Variants in CREBBP observed in about 807,000 individuals in gnomAD.
The protein encoded by CREBBP is CREB binding lysine acetyltransferase, also known as CREB-binding protein.
Under a neutral mutation model 265.0 loss-of-function variants are expected in CREBBP, and 19 were observed. The observed-to-expected ratio is 0.07, with a 90% confidence interval of 0.05 to 0.11. The LOEUF is 0.11. Among genes scored for constraint, CREBBP ranks in the 10% least tolerant of loss-of-function variants. The pLI is 1.00. For synonymous variants in CREBBP, 1,457 were observed against 1,223.7 expected (o/e 1.19, Z -3.98); for missense variants, 2,525 against 3,219.0 (o/e 0.78, Z 5.22).
At chr16:3,822,467 C>G (rs1000883060) in intron 2 of CREBBP, among the ~76,000 whole-genome samples, 1 of 152,080 alleles carries the variant, frequency 6.6e-6, no homozygotes, top group South Asian at 2.1e-4. Context: ...TACTTTGGGG[C>G]AGGAAAACAG....
At chr16:3,861,393 T>A (rs1177085680) in intron 1 of CREBBP, among the ~76,000 whole-genome samples, 3 of 152,206 alleles carry the variant, frequency 2.0e-5, no homozygotes, top group African/African-American at 4.8e-5. Context: ...ACTCAAAAAA[T>A]ATTAGTCATT....
chr16:3,799,869 G>A (rs923274257), intron 3 of CREBBP, among the ~76,000 whole-genome samples: 1 of 152,144 alleles, frequency 6.6e-6, no homozygotes, highest in Non-Finnish European at 1.5e-5. Context: ...CAACAATAAG[G>A]CAGACCTTTA....
At chr16:3,745,062 A>G (rs893048963) in intron 22 of CREBBP, 101 bp from the exon 23 acceptor site, 3 of 996,604 alleles carry the variant, frequency 3.0e-6, no homozygotes, top group Non-Finnish European at 4.7e-6. Flanking sequence ...TTTAAATCAC[A>G]TTATTATAAA....
At chr16:3,787,108 C>T (rs1439825249) in intron 5 of CREBBP, among the ~76,000 whole-genome samples, 1 of 151,074 alleles carries the variant, frequency 6.6e-6, no homozygotes. Flanking sequence ...GACCTGCAGC[C>T]ATCTCTACAA....
At chr16:3,759,075 G>A (rs1001202713) in intron 16 of CREBBP, 103 bp from the exon 17 acceptor site, 9 of 915,270 alleles carry the variant, frequency 9.8e-6, no homozygotes, top group African/African-American at 8.1e-5. Flanking sequence ...TCCCAGCCAC[G>A]ATGCTCCTAA....
At chr16:3,856,887 C>G (rs1458300722) in intron 1 of CREBBP, among the ~76,000 whole-genome samples, 2 of 152,114 alleles carry the variant, frequency 1.3e-5, no homozygotes, top group Non-Finnish European at 2.9e-5. Context: ...AGAGGGAGGC[C>G]AGGCCACAGA....
Position 3,725,298 on chromosome 16 carries a change from G to A in CREBBP, c.*2420C>T, listed in dbSNP as rs975516163. ...ATTGCCCAAGACGGTTGCACAGGAT[G>A]CAGACTCCAAAGAGGATGAGGTTGG... On this transcript the variant is annotated 3_prime_UTR_variant, in exon 31 of 31. Coordinates refer to ENST00000262367, the MANE Select transcript of CREBBP (RefSeq NM_004380.3). 8.6e-6 allele frequency: 2 copies of A among 233,114 alleles called. No homozygotes were observed. The highest frequency in any genetic ancestry group is 4.4e-5 in the African/African-American group (2 of 45,334). 14.4% of individuals were successfully genotyped at this position (233,114 alleles called of 1,614,324 possible). A position where few individuals can be genotyped will look rare whatever the true frequency, so the allele number is the denominator to read the frequency against.
rs1030655029 is a variant in CREBBP, at chr16:3,728,566, T to C, written c.6481A>G (p.Met2161Val). Reference sequence around the variant, plus strand: ...TGGCCCTGGGGGTTCAGGCCTCCCATCGCCTGCTGCTGTGGAGGCACACCG... The same window carrying C: ...TGGCCCTGGGGGTTCAGGCCTCCCACCGCCTGCTGCTGTGGAGGCACACCG... ...RPGVPPQQQA[M>V]GGLNPQGQAL... Residue 2161 changes from methionine (M) to valine (V), a missense_variant, in exon 31 of 31, where the codon ATG becomes GTG. Met to Val is a conservative substitution (Grantham distance 21). This residue lies in a region of CREBBP where 473 missense variants were observed against 459.3 expected (regional missense o/e 1.03). Coordinates refer to ENST00000262367, the MANE Select transcript of CREBBP (RefSeq NM_004380.3). The surrounding 1 kb of genome is among the most constrained non-coding windows in gnomAD (Gnocchi z 8.7). 6 of 1,613,882 alleles carry C rather than the reference T, an allele frequency of 3.7e-6. No homozygotes were observed. Among genetic ancestry groups the C allele is most frequent in the South Asian group, 1.1e-5 (1 of 91,088 alleles).
At chr16:3,799,311 A>G (rs2053667940) in intron 3 of CREBBP, among the ~76,000 whole-genome samples, 1 of 152,252 alleles carries the variant, frequency 6.6e-6, no homozygotes, top group South Asian at 2.1e-4. Flanking sequence ...TATATGGTAC[A>G]TGAATTATAT....
chr16:3,761,565 T>C, intron 16 of CREBBP: 1 of 518,318 alleles, frequency 1.9e-6, no homozygotes, highest in Non-Finnish European at 3.9e-6. Flanking sequence ...AAGCCCAGGA[T>C]ACAGACTCTT....
intron 1 of CREBBP, among the ~76,000 whole-genome samples, chr16:3,861,561 T>C (rs577855128): frequency 9.9e-5 from 15 of 151,588 alleles, no homozygotes; most frequent in African/African-American, 3.6e-4. Flanking sequence ...TCCCTGCTGA[T>C]CTGTGGCAAT....
At chr16:3,759,948 C>A (rs565401774) in intron 16 of CREBBP, among the ~76,000 whole-genome samples, 1 of 152,176 alleles carries the variant, frequency 6.6e-6, no homozygotes, top group African/African-American at 2.4e-5. Flanking sequence ...TGTGGGAGGC[C>A]GGCCAGTCAG....
At chr16:3,818,066 A>G (rs1486034196) in intron 2 of CREBBP, among the ~76,000 whole-genome samples, 1 of 152,060 alleles carries the variant, frequency 6.6e-6, no homozygotes, top group African/African-American at 2.4e-5. Context: ...ACTCCGACAA[A>G]CAAACTCCCC....
At chr16:3,738,109 T>A (rs1009671007) in intron 26 of CREBBP, among the ~76,000 whole-genome samples, 1 of 149,470 alleles carries the variant, frequency 6.7e-6, no homozygotes, top group South Asian at 2.1e-4. Context: ...TTAGTAGAGA[T>A]GGGGTTTCAC....
intron 23 of CREBBP, chr16:3,743,600 G>A (rs1055102698): frequency 2.0e-5 from 3 of 152,168 alleles, no homozygotes; most frequent in African/African-American, 7.2e-5. Flanking sequence ...ACAGCTGTAG[G>A]GAGCAGCTGG....
intron 11 of CREBBP, 196 bp from the exon 12 acceptor site, chr16:3,774,889 G>A (rs531295768): frequency 8.7e-5 from 64 of 733,398 alleles, no homozygotes; most frequent in Non-Finnish European, 1.4e-4. Flanking sequence ...GCATCAATGT[G>A]GGGGTGGTGA....
intron 5 of CREBBP, among the ~76,000 whole-genome samples, chr16:3,787,279 C>G (rs1000127237): frequency 6.6e-6 from 1 of 152,118 alleles, no homozygotes; most frequent in African/African-American, 2.4e-5. Context: ...CTATCAGGCA[C>G]GGCCACAAGC....
chr16:3,735,883 C>A (rs1407159207), intron 28 of CREBBP, among the ~76,000 whole-genome samples, 153 bp downstream of exon 28: 2 of 152,206 alleles, frequency 1.3e-5, no homozygotes, highest in Admixed American at 6.5e-5. Flanking sequence ...CTGCTGCCCA[C>A]CAACGCCCTG....
chr16:3,864,179 G>A (rs963876435), intron 1 of CREBBP, among the ~76,000 whole-genome samples: 14 of 152,208 alleles, frequency 9.2e-5, no homozygotes, highest in African/African-American at 2.9e-4. Flanking sequence ...CAGGTCCTTT[G>A]CCCCAAATGC....
Sources: gnomAD v4.1 joint callset for allele counts (sites outside exome capture counted in the v4.1 genomes callset) on GRCh38, gnomAD v4.1.1 for gene constraint, gnomAD v4.1.1 regional missense constraint, Gnocchi (gnomAD v3.1) non-coding constraint, MANE v1.5 for transcripts, NCBI Gene and HGNC (gene_info 2026-07-23, HGNC 2026-07-21) for gene names.